IKZF1: variants seen among roughly 807,000 people sequenced by gnomAD.
IKZF1 encodes the protein DNA-binding protein Ikaros.
IKZF1 carries 10 observed loss-of-function variants against 51.7 expected under a neutral mutation model. The observed-to-expected ratio is 0.19, with a 90% CI of 0.12 to 0.33. IKZF1 has a LOEUF of 0.33. Among genes scored for constraint, IKZF1 ranks in the 10% least tolerant of loss-of-function variants. The pLI, the probability that IKZF1 is intolerant of heterozygous loss-of-function variation, is 1.00. For synonymous variants in IKZF1, 280 were observed against 282.3 expected (o/e 0.99, Z 0.08); for missense variants, 484 against 707.5 (o/e 0.68, Z 3.58).
At chr7:50,352,666 C>T (rs988737533) in intron 3 of IKZF1, among the ~76,000 whole-genome samples, 9 of 152,258 alleles carry the variant, frequency 5.9e-5, no homozygotes, top group South Asian at 4.2e-4. Context: ...GAGACCAAAG[C>T]GGTGACATTT....
intron 2 of IKZF1, 98 bp downstream of exon 2, chr7:50,319,199 G>T: frequency 1.1e-6 from 1 of 881,374 alleles, no homozygotes. Flanking sequence ...GGAGGAATAG[G>T]GGCTATTCTG....
At chr7:50,311,762 G>A (rs936019822) in intron 1 of IKZF1, among the ~76,000 whole-genome samples, 1 of 152,076 alleles carries the variant, frequency 6.6e-6, no homozygotes, top group Non-Finnish European at 1.5e-5. Flanking sequence ...TTACTTGTAC[G>A]TTAAGATAAT....
chr7:50,386,640 T>C (rs1243932835), intron 5 of IKZF1, among the ~76,000 whole-genome samples: 1 of 151,904 alleles, frequency 6.6e-6, no homozygotes, highest in Non-Finnish European at 1.5e-5. Flanking sequence ...CATATACATA[T>C]AAATATACAT....
chr7:50,338,101 G>C (rs1287859472), intron 3 of IKZF1, among the ~76,000 whole-genome samples: 5 of 152,108 alleles, frequency 3.3e-5, no homozygotes, highest in Non-Finnish European at 2.9e-5. Flanking sequence ...AAAAACTATA[G>C]AGAAATTGGA....
chr7:50,384,410 G>A (rs939684017), intron 5 of IKZF1, among the ~76,000 whole-genome samples: 3 of 152,242 alleles, frequency 2.0e-5, no homozygotes, highest in African/African-American at 7.2e-5. Context: ...TGATTTGGGT[G>A]ATTTGACTTC....
At chr7:50,387,791 CA>C (rs199671387) in intron 6 of IKZF1, among the ~76,000 whole-genome samples, 5 of 150,824 alleles carry the variant, frequency 3.3e-5, no homozygotes, top group African/African-American at 9.7e-5. Context: ...AAAACAACAA[CA>C]AAAAAAACAC....
intron 3 of IKZF1, among the ~76,000 whole-genome samples, chr7:50,344,935 AAT>A (rs1799983724): frequency 6.6e-6 from 1 of 152,032 alleles, no homozygotes; most frequent in African/African-American, 2.4e-5. Flanking sequence ...TAAAAATTTA[AAT>A]CAAATATATT....
intron 7 of IKZF1, among the ~76,000 whole-genome samples, chr7:50,393,494 A>T (rs1256188643): frequency 6.6e-6 from 1 of 152,142 alleles, no homozygotes; most frequent in Non-Finnish European, 1.5e-5. Flanking sequence ...TGCAGCTTCA[A>T]ATAGGGCTCC....
Position 50,382,628 on chromosome 7 carries a change from G to C in IKZF1, c.510G>C (p.Glu170Asp), listed in dbSNP as rs2153477734. The C allele has an allele frequency of 6.2e-7, 1 of 1,613,550 alleles. No individual in the cohort carries two copies. Among genetic ancestry groups the C allele is most frequent in the Non-Finnish European group, 8.5e-7 (1 of 1,179,888 alleles). Residue 170 changes from glutamate to aspartate, a missense_variant, in exon 5 of 8, where the codon GAG becomes GAC. Glu to Asp is a conservative substitution (Grantham distance 45, BLOSUM62 2). Transcript: ENST00000331340. The stretch of plus-strand genomic sequence containing the variant: ...GGCACATCAAGCTGCATTCCGGGGA[G>C]AAGCCCTTCAAATGCCACCTCTGCA... Reference protein sequence around the residue: ...LLRHIKLHSGEKPFKCHLCNY... With the variant: ...LLRHIKLHSGDKPFKCHLCNY...
intron 1 of IKZF1, among the ~76,000 whole-genome samples, chr7:50,309,925 A>G (rs1190999556): frequency 6.6e-6 from 1 of 152,212 alleles, no homozygotes; most frequent in Non-Finnish European, 1.5e-5. Flanking sequence ...AATGGAAACT[A>G]GAGAGAGCCA....
Position 50,339,444 on chromosome 7 carries a change from G to A in IKZF1, c.160+11687G>A, listed in dbSNP as rs1015021834. Among the ~76,000 whole-genome samples the A allele has an allele frequency of 7.9e-5, 12 of 152,218 alleles. No homozygotes were observed. In the South Asian group the frequency reaches 2.5e-3, roughly 32 times the overall value. ...ATCTTTAGCATTTAGTTTGGTTGCTGGGGGAGTATGATTAGAAAAGGATTT... is the reference window on the plus strand; with the variant it reads ...ATCTTTAGCATTTAGTTTGGTTGCTAGGGGAGTATGATTAGAAAAGGATTT... On this transcript the variant is annotated intron_variant, in intron 3 of 7. Coordinates refer to ENST00000331340, the MANE Select transcript of IKZF1 (RefSeq NM_006060.6).
In IKZF1 at chr7:50,404,914, C is replaced by T. The variant is rs1818756943; in HGVS notation, c.*4287C>T. ...TGCCTGCCTGCATTGCACTTCTCTT[C>T]CCGAGGAGTGGGGTAAATTTAAAAG... On this transcript the variant is annotated 3_prime_UTR_variant, in exon 8 of 8. Coordinates refer to ENST00000331340, the MANE Select transcript of IKZF1 (RefSeq NM_006060.6). 4.6e-6 allele frequency: 1 copy of T among 216,334 alleles called. No individual in the cohort carries two copies. The highest frequency in any genetic ancestry group is 1.9e-4 in the South Asian group (1 of 5,394). The allele number at this position is 216,334 out of a possible 1,614,324, so 13.4% of individuals were successfully genotyped here.
intron 3 of IKZF1, among the ~76,000 whole-genome samples, chr7:50,350,360 A>G (rs1311921556): frequency 6.6e-6 from 1 of 152,184 alleles, no homozygotes; most frequent in African/African-American, 2.4e-5. Flanking sequence ...CACTGTTTCC[A>G]GTCACCTTTG....
intron 4 of IKZF1, among the ~76,000 whole-genome samples, chr7:50,382,179 T>TA (rs1237088638): frequency 1.3e-5 from 2 of 152,162 alleles, no homozygotes; most frequent in African/African-American, 2.4e-5. Context: ...AAAGCCACAT[T>TA]AAAAAACCCC....
At chr7:50,367,683 C>A (rs1807362608) in intron 3 of IKZF1, 1 of 237,884 alleles carries the variant, frequency 4.2e-6, no homozygotes, top group South Asian at 8.8e-5. Flanking sequence ...AGTGTTTGGA[C>A]TGGAGCTGCT....
chr7:50,311,998 C>T (rs896462414), intron 1 of IKZF1, among the ~76,000 whole-genome samples: 1 of 152,130 alleles, frequency 6.6e-6, no homozygotes, highest in African/African-American at 2.4e-5. Context: ...TCTGTGTGGA[C>T]CCTTCTTTTA....
chr7:50,332,355 C>T (rs917141832), intron 3 of IKZF1, among the ~76,000 whole-genome samples: 14 of 152,040 alleles, frequency 9.2e-5, no homozygotes, highest in African/African-American at 2.4e-4. Flanking sequence ...TACACATTTC[C>T]GTGTCCTAAA....
chr7:50,329,147 G>C (rs1361366202), intron 3 of IKZF1, among the ~76,000 whole-genome samples: 1 of 150,896 alleles, frequency 6.6e-6, no homozygotes, highest in African/African-American at 2.4e-5. Flanking sequence ...AAACCAAGTG[G>C]ACTAGGTATA....
chr7:50,338,655 CA>C (rs1798347458), intron 3 of IKZF1, among the ~76,000 whole-genome samples: 1 of 152,166 alleles, frequency 6.6e-6, no homozygotes, highest in African/African-American at 2.4e-5. Flanking sequence ...AAGGCTTAAA[CA>C]GAGTACAGCC....
Sources: allele counts gnomAD v4.1 joint callset (sites outside exome capture counted in the v4.1 genomes callset), GRCh38; gene constraint gnomAD v4.1.1; transcripts MANE v1.5; gene names NCBI Gene and HGNC (gene_info 2026-07-23, HGNC 2026-07-21).